SLC22A16: variants seen among roughly 807,000 people sequenced by gnomAD.
SLC22A16 encodes the protein solute carrier family 22 member 16, also known as WUGSC:RG331P03.1.
A neutral mutation model predicts 52.9 loss-of-function variants in SLC22A16; 53 were observed. The observed-to-expected ratio is 1.00, with a 90% CI of 0.80 to 1.26. The LOEUF (loss-of-function observed/expected upper bound fraction) is 1.26, where lower values mean the gene tolerates loss of function less well. Ranked by LOEUF, SLC22A16 falls within the 50% of genes most tolerant of loss-of-function variation. The pLI is 0.00. For synonymous variants in SLC22A16, 291 were observed against 268.8 expected (o/e 1.08, Z -0.81); for missense variants, 726 against 704.0 (o/e 1.03, Z -0.35).
At chr6:110,427,093 T>C (rs1181827761) in intron 7 of SLC22A16, among the ~76,000 whole-genome samples, 10 of 146,420 alleles carry the variant, frequency 6.8e-5, no homozygotes, top group African/African-American at 2.3e-4. Context: ...ATGAAAAATA[T>C]AAAAATTAGC....
At chr6:110,435,535 GCATCAGAA>G (rs1554223682) in intron 6 of SLC22A16, among the ~76,000 whole-genome samples, 1 of 152,142 alleles carries the variant, frequency 6.6e-6, no homozygotes, top group Non-Finnish European at 1.5e-5. Context: ...AACACAATTG[GCATCAGAA>G]CATCGAGAGA....
chr6:110,449,685 C>G (rs546259628), intron 2 of SLC22A16, among the ~76,000 whole-genome samples: 1 of 152,276 alleles, frequency 6.6e-6, no homozygotes, highest in East Asian at 1.9e-4. Flanking sequence ...TTCCTCCGCT[C>G]CCTCCTGCAT....
rs748764746 is a variant in SLC22A16, at chr6:110,456,722, T to A, written c.349A>T (p.Thr117Ser). The A allele has an allele frequency of 3.7e-6, 6 of 1,614,120 alleles. No individual in the cohort carries two copies. In the South Asian group the frequency reaches 6.6e-5, roughly 18 times the overall value. The change falls in exon 2 of 8, where the codon ACT becomes TCT. Residue 117 changes from threonine (T) to serine (S), a missense_variant. Thr to Ser is a moderately conservative substitution (Grantham distance 58, BLOSUM62 1). Coordinates refer to ENST00000368919, the MANE Select transcript of SLC22A16 (RefSeq NM_033125.4). ...CAAGGAAACTCTTTCTTACTGCCAG[T>A]GTATTCATAGCCCAAACTCGATGTG... is the stretch of plus-strand genomic sequence containing the variant. The part of the protein sequence containing the change: ...ENTSSLGYEY[T>S]GSKKEFPCVD...
intron 7 of SLC22A16, among the ~76,000 whole-genome samples, chr6:110,427,858 G>T (rs1774330744): frequency 6.6e-6 from 1 of 152,018 alleles, no homozygotes; most frequent in Non-Finnish European, 1.5e-5. Flanking sequence ...ACCATACCTG[G>T]CATTTCCCCA....
At chr6:110,450,886 C>G (rs1202043719) in intron 2 of SLC22A16, among the ~76,000 whole-genome samples, 4 of 152,192 alleles carry the variant, frequency 2.6e-5, no homozygotes, top group Non-Finnish European at 5.9e-5. Context: ...TTTGTGACTA[C>G]AAATCCCTTG....
chr6:110,476,551 C>A lies in SLC22A16; in HGVS notation c.24G>T (p.Gly8=), dbSNP rs1245774822. The A allele has an allele frequency of 4.0e-6, 6 of 1,515,444 alleles. No homozygotes were observed. Among genetic ancestry groups the A allele is most frequent in the Non-Finnish European group, 5.3e-6 (6 of 1,136,066 alleles). 93.9% of individuals were successfully genotyped at this position (1,515,444 alleles called of 1,614,324 possible). The change falls in exon 1 of 8, where the codon GGG becomes GGT. Residue 8 remains glycine, a synonymous_variant. Coordinates refer to ENST00000368919, the MANE Select transcript of SLC22A16 (RefSeq NM_033125.4). ...CGAAGTGCCCCACGTGGTCATAAAT[C>A]CCCTCGAAGTGGCGGGACCCCATGG... is the stretch of plus-strand genomic sequence containing the variant. MGSRHFE[G]IYDHVGHFGR... is the part of the protein sequence containing the mutation.
At chr6:110,474,611 A>ATACAT (rs1472208540) in intron 1 of SLC22A16, among the ~76,000 whole-genome samples, 7 of 152,234 alleles carry the variant, frequency 4.6e-5, no homozygotes, top group Non-Finnish European at 8.8e-5. Flanking sequence ...AGACTTTTGC[A>ATACAT]TACATTATGG....
At chr6:110,443,036 T>G (rs904705687) in intron 3 of SLC22A16, among the ~76,000 whole-genome samples, 7 of 152,240 alleles carry the variant, frequency 4.6e-5, no homozygotes, top group Non-Finnish European at 1.0e-4. Flanking sequence ...CATTGTCTTT[T>G]GTGTCATCTA....
chr6:110,453,386 T>A (rs1775457659), intron 2 of SLC22A16, among the ~76,000 whole-genome samples: 1 of 152,176 alleles, frequency 6.6e-6, no homozygotes, highest in Admixed American at 6.5e-5. Flanking sequence ...TTTATGAGAA[T>A]CCTCTCAGGC....
chr6:110,451,646 G>C (rs1279654018), intron 2 of SLC22A16, among the ~76,000 whole-genome samples: 1 of 151,956 alleles, frequency 6.6e-6, no homozygotes, highest in East Asian at 1.9e-4. Flanking sequence ...AAAATCCTTT[G>C]ACTATTCTGG....
chr6:110,431,369 G>A, intron 6 of SLC22A16, 99 bp from the exon 7 acceptor site: 1 of 1,001,122 alleles, frequency 1.0e-6, no homozygotes, highest in Non-Finnish European at 1.5e-6. Flanking sequence ...TCCCCAGCAA[G>A]GATAAGGGTG....
chr6:110,444,825 G>A (rs1008111355), intron 3 of SLC22A16, among the ~76,000 whole-genome samples: 4 of 152,166 alleles, frequency 2.6e-5, no homozygotes, highest in Admixed American at 6.5e-5. Context: ...TCCAGAAGTC[G>A]CTTTTGGTAA....
rs760625815 is a variant in SLC22A16 at position 110,426,321 on chromosome 6, G to C, written c.1522-1236C>G. 3.9e-5 allele frequency among the ~76,000 whole-genome samples: 6 copies of C among 152,138 alleles called. 1 individual carries two copies. The highest frequency in any genetic ancestry group is 3.2e-3 in the Middle Eastern group (1 of 316). On this transcript the variant is annotated intron_variant, in intron 7 of 7. Coordinates refer to ENST00000368919, the MANE Select transcript of SLC22A16 (RefSeq NM_033125.4). ...TCTAAAAGCAAAATAGAATCAAATG[G>C]AAGATCCAGAACAGAATGGAATTTT...
At chr6:110,439,789 A>G (rs951401777) in intron 4 of SLC22A16, among the ~76,000 whole-genome samples, 52 of 152,230 alleles carry the variant, frequency 3.4e-4, no homozygotes, top group Admixed American at 2.9e-3. Context: ...TTTGGTTTAC[A>G]CTAGGAGTCA....
At chr6:110,463,514 TAA>T (rs386408237) in intron 1 of SLC22A16, among the ~76,000 whole-genome samples, 14 of 53,270 alleles carry the variant, frequency 2.6e-4, no homozygotes, top group South Asian at 1.3e-3. Context: ...GTAACAACAG[TAA>T]AAAAAAAAAA....
chr6:110,469,842 G>A (rs1424207921), intron 1 of SLC22A16, among the ~76,000 whole-genome samples: 1 of 152,164 alleles, frequency 6.6e-6, no homozygotes, highest in Non-Finnish European at 1.5e-5. Flanking sequence ...AATAAAACTT[G>A]ACTTCCCTAA....
chr6:110,474,581 T>C (rs543891001), intron 1 of SLC22A16, among the ~76,000 whole-genome samples: 19 of 152,330 alleles, frequency 1.2e-4, no homozygotes, highest in Non-Finnish European at 2.8e-4. Flanking sequence ...CATGACTTAT[T>C]GAGAACTTAC....
chr6:110,447,935 T>TA (rs1582553230), intron 2 of SLC22A16, among the ~76,000 whole-genome samples: 1 of 152,230 alleles, frequency 6.6e-6, no homozygotes, highest in Non-Finnish European at 1.5e-5. Context: ...TCTTGGCTAT[T>TA]ATGAATAATG....
intron 7 of SLC22A16, chr6:110,425,505 G>T (rs752572364): frequency 3.8e-6 from 3 of 794,282 alleles, no homozygotes; most frequent in Admixed American, 3.1e-5. Flanking sequence ...AGTCAACCCT[G>T]TCCCTGCCCC....
Sources: allele counts gnomAD v4.1 joint callset (sites outside exome capture counted in the v4.1 genomes callset), GRCh38; gene constraint gnomAD v4.1.1; transcripts MANE v1.5; gene names NCBI Gene and HGNC (gene_info 2026-07-23, HGNC 2026-07-21).